The following PDGFC variants were observed in gnomAD, a reference collection of about 807,000 sequenced individuals.
PDGFC encodes platelet-derived growth factor C.
PDGFC carries 12 observed loss-of-function variants against 35.5 expected under a neutral mutation model. That is an observed-to-expected ratio of 0.34 (90% CI 0.22 to 0.55). PDGFC has a LOEUF of 0.55. PDGFC is among the 20% of genes least tolerant of loss of function. The probability of loss-of-function intolerance (pLI) is 0.91; values close to 1 mark genes in which losing one functional copy is unlikely to be tolerated. For synonymous variants in PDGFC, 159 were observed against 148.8 expected, an observed-to-expected ratio of 1.07 and a Z score of -0.50; for missense variants, 322 against 412.4, an observed-to-expected ratio of 0.78 and a Z score of 1.90.
intron 1 of PDGFC, among the ~76,000 whole-genome samples, chr4:156,939,204 A>G (rs538056328): frequency 6.6e-6 from 1 of 152,206 alleles, no homozygotes; most frequent in African/African-American, 2.4e-5. Flanking sequence ...GCCAAGCTCT[A>G]CCCTAAAGCT....
At chr4:156,889,978 G>A (rs1298512013) in intron 1 of PDGFC, among the ~76,000 whole-genome samples, 2 of 152,054 alleles carry the variant, frequency 1.3e-5, no homozygotes, top group East Asian at 1.9e-4. Flanking sequence ...ACTCATTGAC[G>A]ATTATTTTTT....
At chr4:156,876,835 A>G (rs769860772) in intron 1 of PDGFC, 1 of 152,138 alleles carries the variant, frequency 6.6e-6, no homozygotes, top group Non-Finnish European at 1.5e-5. Flanking sequence ...TATTGTTGTT[A>G]ATAAGATTAT....
At chr4:156,936,471 A>C (rs2110893649) in intron 1 of PDGFC, among the ~76,000 whole-genome samples, 1 of 152,300 alleles carries the variant, frequency 6.6e-6, no homozygotes. Context: ...AAAATACAAC[A>C]ACAACAGTTT....
chr4:156,792,112 T>A (rs142180811), intron 3 of PDGFC, among the ~76,000 whole-genome samples: 1 of 152,342 alleles, frequency 6.6e-6, no homozygotes, highest in African/African-American at 2.4e-5. Context: ...GATCTTTGTC[T>A]GCTTAAAACA....
At chr4:156,830,679 T>C (rs1728910848) in intron 2 of PDGFC, among the ~76,000 whole-genome samples, 1 of 152,228 alleles carries the variant, frequency 6.6e-6, no homozygotes, top group Non-Finnish European at 1.5e-5. Context: ...TCCAAGCACA[T>C]ACGGTGGTAC....
At chr4:156,839,958 G>A (rs187638191) in intron 2 of PDGFC, among the ~76,000 whole-genome samples, 1 of 152,228 alleles carries the variant, frequency 6.6e-6, no homozygotes, top group East Asian at 1.9e-4. Context: ...AGATTATGTA[G>A]AGTATCTGGT....
intron 1 of PDGFC, among the ~76,000 whole-genome samples, chr4:156,891,799 T>C (rs921666315): frequency 2.0e-5 from 3 of 152,236 alleles, no homozygotes; most frequent in Non-Finnish European, 2.9e-5. Flanking sequence ...GGCTTTATAG[T>C]AGAATAATTC....
intron 1 of PDGFC, among the ~76,000 whole-genome samples, chr4:156,960,252 T>TTTTATATA (rs1393791877): frequency 7.3e-6 from 1 of 137,118 alleles, no homozygotes; most frequent in African/African-American, 2.8e-5. Flanking sequence ...TATATAACTG[T>TTTTATATA]TATATATATA....
At chr4:156,767,415 A>C (rs1050258242) in intron 5 of PDGFC, among the ~76,000 whole-genome samples, 11 of 152,080 alleles carry the variant, frequency 7.2e-5, no homozygotes, top group African/African-American at 2.7e-4. Flanking sequence ...ACAATAATTT[A>C]TCTCTGAGCT....
chr4:156,896,702 CACT>C (rs1169520796), intron 1 of PDGFC, among the ~76,000 whole-genome samples: 1 of 152,042 alleles, frequency 6.6e-6, no homozygotes, highest in East Asian at 1.9e-4. Context: ...GTGCAGATAC[CACT>C]GTGTTATTTG....
chr4:156,966,067 T>A (rs2110985388), intron 1 of PDGFC, among the ~76,000 whole-genome samples: 1 of 152,316 alleles, frequency 6.6e-6, no homozygotes, highest in African/African-American at 2.4e-5. Flanking sequence ...CATTTCAACA[T>A]TTTGGTAATC....
chr4:156,823,235 T>C (rs887231882), intron 2 of PDGFC, among the ~76,000 whole-genome samples: 2 of 152,106 alleles, frequency 1.3e-5, no homozygotes, highest in African/African-American at 4.8e-5. Flanking sequence ...CAAGACCCTG[T>C]CTCTGAGTTT....
intron 1 of PDGFC, among the ~76,000 whole-genome samples, chr4:156,901,595 C>CATTATTATTATTATTATTATTATT: frequency 6.6e-6 from 1 of 150,448 alleles, no homozygotes; most frequent in African/African-American, 2.4e-5. Context: ...GTATCTATTT[C>CATTATTATTATTATTATTATTATT]ATTATTATTA....
chr4:156,802,964 C>T (rs779284615), intron 3 of PDGFC, among the ~76,000 whole-genome samples: 10 of 152,072 alleles, frequency 6.6e-5, no homozygotes, highest in Admixed American at 3.9e-4. Context: ...TTACTCTCTT[C>T]GCAAACAAGG....
chr4:156,921,675 G>A (rs77608125), intron 1 of PDGFC, among the ~76,000 whole-genome samples: 2 of 152,188 alleles, frequency 1.3e-5, no homozygotes, highest in East Asian at 3.9e-4. Context: ...ATCACTCTGA[G>A]CAAAAATCAT....
At chr4:156,919,806 T>C (rs994822460) in intron 1 of PDGFC, among the ~76,000 whole-genome samples, 2 of 152,246 alleles carry the variant, frequency 1.3e-5, no homozygotes, top group African/African-American at 4.8e-5. Flanking sequence ...GGAACAGAGC[T>C]GTCCTTATTA....
At chr4:156,865,136 G>T (rs1729807133) in intron 1 of PDGFC, among the ~76,000 whole-genome samples, 1 of 151,452 alleles carries the variant, frequency 6.6e-6, no homozygotes, top group Non-Finnish European at 1.5e-5. Flanking sequence ...TTTTCATCAT[G>T]AAGCAAAACA....
At chr4:156,931,536 C>A (rs1032486089) in intron 1 of PDGFC, among the ~76,000 whole-genome samples, 3 of 152,118 alleles carry the variant, frequency 2.0e-5, no homozygotes, top group Admixed American at 2.0e-4. Context: ...AAACAACCCA[C>A]AGTAATCTTC....
At chr4:156,871,744 T>C (rs1729989135) in intron 1 of PDGFC, among the ~76,000 whole-genome samples, 1 of 152,096 alleles carries the variant, frequency 6.6e-6, no homozygotes, top group African/African-American at 2.4e-5. Flanking sequence ...AAAAACATTA[T>C]TCCAGATTAA....
Sources: allele counts gnomAD v4.1 joint callset (sites outside exome capture counted in the v4.1 genomes callset), GRCh38; gene constraint gnomAD v4.1.1; transcripts MANE v1.5; gene names NCBI Gene and HGNC (gene_info 2026-07-23, HGNC 2026-07-21).